Variants in THSD4 observed in about 807,000 individuals in gnomAD.
The protein encoded by THSD4 is thrombospondin type 1 domain containing 4.
Under a neutral mutation model 119.0 loss-of-function variants are expected in THSD4, and 69 were observed. That is an observed-to-expected ratio of 0.58 (90% confidence interval 0.48 to 0.71). The LOEUF is 0.71. Ranked by LOEUF, THSD4 falls within the 30% of genes least tolerant of loss-of-function variation. THSD4 has a pLI of 0.00. For synonymous variants in THSD4, 524 were observed against 540.4 expected, an observed-to-expected ratio of 0.97 and a Z score of 0.42; for missense variants, 1,393 against 1,391.1, an observed-to-expected ratio of 1.00 and a Z score of -0.02.
chr15:71,294,330 A>G (rs191968189), intron 6 of THSD4, among the ~76,000 whole-genome samples: 130 of 152,250 alleles, frequency 8.5e-4, no homozygotes, highest in Non-Finnish European at 1.5e-3. Flanking sequence ...CAGGTCCCTC[A>G]AAGAAGTCAG....
At chr15:71,474,859 C>A (rs2047634909) in intron 7 of THSD4, among the ~76,000 whole-genome samples, 1 of 152,214 alleles carries the variant, frequency 6.6e-6, no homozygotes, top group Non-Finnish European at 1.5e-5. Context: ...TCCCTTGACT[C>A]ACTGGGCCTG....
chr15:71,705,528 G>A (rs989423847), intron 8 of THSD4, among the ~76,000 whole-genome samples: 1 of 152,134 alleles, frequency 6.6e-6, no homozygotes, highest in Non-Finnish European at 1.5e-5. Flanking sequence ...CTGGTCAGAT[G>A]TTGCTGTCCT....
intron 3 of THSD4, among the ~76,000 whole-genome samples, chr15:71,198,680 C>T (rs1442949469): frequency 6.6e-6 from 1 of 152,204 alleles, no homozygotes; most frequent in Non-Finnish European, 1.5e-5. Context: ...GGTCTGCCTC[C>T]TCCTCCTGGC....
intron 7 of THSD4, among the ~76,000 whole-genome samples, chr15:71,555,629 AT>A (rs1328047500): frequency 6.6e-6 from 1 of 152,046 alleles, no homozygotes; most frequent in Non-Finnish European, 1.5e-5. Context: ...GAAGTCCTTG[AT>A]TTTAGTGTAT....
At chr15:71,575,988 A>G (rs563422952) in intron 7 of THSD4, among the ~76,000 whole-genome samples, 1 of 152,202 alleles carries the variant, frequency 6.6e-6, no homozygotes, top group African/African-American at 2.4e-5. Flanking sequence ...ACATGAAGCT[A>G]AATTTGTTCA....
intron 7 of THSD4, among the ~76,000 whole-genome samples, chr15:71,488,782 T>C (rs1439169879): frequency 6.6e-6 from 1 of 152,252 alleles, no homozygotes; most frequent in African/African-American, 2.4e-5. Flanking sequence ...GTGTATTTAC[T>C]ATTCCCCGCC....
rs143691696 is a variant in THSD4 at position 71,264,049 on chromosome 15, C to T, written c.1015+7334C>T. Among the ~76,000 whole-genome samples the T allele has an allele frequency of 5.0e-3, 768 of 152,288 alleles. 3 individuals carry two copies. The highest frequency in any genetic ancestry group is 0.017 in the African/African-American group (724 of 41,540). On this transcript the variant is annotated intron_variant, in intron 6 of 17. Transcript: ENST00000261862. The stretch of plus-strand genomic sequence containing the variant: ...ATCTACCCCTTGCGTGCTTCTGACT[C>T]CTCCACCAATCCAGCAGTCTGCCCC...
rs534517783 is a variant in THSD4, at chr15:71,268,857, A to G, written c.1015+12142A>G. On this transcript the variant is annotated intron_variant, in intron 6 of 17. Transcript: ENST00000261862. ...CACCTCTATGCAAATAAACTAGAAA[A>G]TCTAGAAGAAATGGATAAATTCCTG... Among the ~76,000 whole-genome samples, 5 of 152,312 alleles carry G rather than the reference A, an allele frequency of 3.3e-5. No individual in the cohort carries two copies. The East Asian group carries it at 7.7e-4, about 23-fold the overall frequency.
At chr15:71,659,326 A>G (rs192930764) in intron 7 of THSD4, among the ~76,000 whole-genome samples, 1 of 152,346 alleles carries the variant, frequency 6.6e-6, no homozygotes, top group East Asian at 1.9e-4. Context: ...TTTTAGATTC[A>G]GGAAACATGA....
At chr15:71,568,914 C>A (rs780125869) in intron 7 of THSD4, among the ~76,000 whole-genome samples, 3 of 152,164 alleles carry the variant, frequency 2.0e-5, no homozygotes, top group Non-Finnish European at 4.4e-5. Context: ...AATGTTTCCT[C>A]CTATGCATGA....
chr15:71,161,043 G>T (rs796821612), intron 3 of THSD4, among the ~76,000 whole-genome samples: 2 of 152,072 alleles, frequency 1.3e-5, no homozygotes, highest in African/African-American at 4.8e-5. Flanking sequence ...CTTGTTTAAT[G>T]TTCATGTATC....
intron 10 of THSD4, chr15:71,732,256 A>G (rs182017502): frequency 6.6e-6 from 1 of 152,162 alleles, no homozygotes; most frequent in African/African-American, 2.4e-5. Context: ...TGTCTACTAT[A>G]TGCCTTTTCT....
At chr15:71,135,363 T>TAAA (rs144312611) in intron 1 of THSD4, among the ~76,000 whole-genome samples, 84 of 48,926 alleles carry the variant, frequency 1.7e-3, no homozygotes, top group Non-Finnish European at 2.6e-3. Context: ...TAAAGTATAA[T>TAAA]AAAAAAAAAA....
chr15:71,680,263 G>C (rs1399872040), intron 8 of THSD4, among the ~76,000 whole-genome samples: 1 of 152,080 alleles, frequency 6.6e-6, no homozygotes, highest in East Asian at 1.9e-4. Context: ...TAAGTTCTGG[G>C]AACACCAAGG....
At chr15:71,532,283 AGT>A (rs1210856261) in intron 7 of THSD4, among the ~76,000 whole-genome samples, 5,678 of 101,082 alleles carry the variant, frequency 0.056, 167 homozygotes, top group East Asian at 0.13. Flanking sequence ...AGAGAGAGAG[AGT>A]GTGTGTGTGT....
At chr15:71,657,065 G>A (rs2051205737) in intron 7 of THSD4, among the ~76,000 whole-genome samples, 1 of 151,962 alleles carries the variant, frequency 6.6e-6, no homozygotes, top group Admixed American at 6.6e-5. Flanking sequence ...GTTAATTATC[G>A]ACTTTCTAAA....
At chr15:71,254,839 T>C (rs1038968121) in intron 5 of THSD4, among the ~76,000 whole-genome samples, 1 of 152,212 alleles carries the variant, frequency 6.6e-6, no homozygotes, top group African/African-American at 2.4e-5. Flanking sequence ...CTCTCCCTGA[T>C]TGTCAGAGCT....
chr15:71,317,029 G>C (rs1043573030), intron 6 of THSD4, among the ~76,000 whole-genome samples: 2 of 152,184 alleles, frequency 1.3e-5, no homozygotes, highest in African/African-American at 4.8e-5. Context: ...TAAATGTTTA[G>C]ACAAATTAGA....
chr15:71,714,553 A>G (rs1202255275), intron 8 of THSD4, among the ~76,000 whole-genome samples: 1 of 152,204 alleles, frequency 6.6e-6, no homozygotes, highest in Non-Finnish European at 1.5e-5. Context: ...TTCTTTTCTT[A>G]AGATAATGCT....
Sources: allele counts gnomAD v4.1 joint callset (sites outside exome capture counted in the v4.1 genomes callset), GRCh38; gene constraint gnomAD v4.1.1; transcripts MANE v1.5; gene names NCBI Gene and HGNC (gene_info 2026-07-23, HGNC 2026-07-21).